Variants in MYO9A observed in about 807,000 individuals in gnomAD.
The protein encoded by MYO9A is myosin IXA, also known as unconventional myosin-IXa.
A neutral mutation model predicts 293.3 loss-of-function variants in MYO9A; 103 were observed. The ratio of observed to expected loss-of-function variants is 0.35; its 90% CI spans 0.30 to 0.41. MYO9A has a LOEUF of 0.41. Ranked by LOEUF, MYO9A falls within the 10% of genes least tolerant of loss-of-function variation. MYO9A has a pLI of 1.00. For missense variants in MYO9A, 2,685 were observed against 3,033.0 expected (o/e 0.89, Z 2.69); for synonymous variants, 1,001 against 1,035.7 (o/e 0.97, Z 0.64).
chr15:71,826,009 G>GTTTTTGTTGT lies in MYO9A; in HGVS notation c.*570_*571insACAACAAAAA, dbSNP rs2054478306. On this transcript the variant is annotated 3_prime_UTR_variant, in exon 42 of 42. Coordinates refer to ENST00000356056, the MANE Select transcript of MYO9A (RefSeq NM_006901.4). The stretch of plus-strand genomic sequence containing the variant: ...GGTTTTTTTTTGTTTTTTTTTTTTT[G>GTTTTTGTTGT]TTTTTTTTTTTTGTTTTTGCTTTCC... The GTTTTTGTTGT allele has an allele frequency of 1.6e-5, 1 of 64,198 alleles. No homozygotes were observed. The highest frequency in any genetic ancestry group is 6.1e-5 in the African/African-American group (1 of 16,374). The allele number at this position is 64,198 out of a possible 1,614,324, so 4.0% of individuals were successfully genotyped here.
At chr15:71,859,599 T>G (rs1177443953) in intron 34 of MYO9A, 136 bp downstream of exon 34, 3 of 612,236 alleles carry the variant, frequency 4.9e-6, no homozygotes, top group Non-Finnish European at 8.6e-6. Context: ...TAAAACATAT[T>G]TCTACTGTGA....
At chr15:71,871,463 G>A (rs1379202881) in intron 32 of MYO9A, among the ~76,000 whole-genome samples, 1 of 152,024 alleles carries the variant, frequency 6.6e-6, no homozygotes, top group Non-Finnish European at 1.5e-5. Context: ...GGGAGGTTGA[G>A]GTAGGTGAAT....
At chr15:72,000,074 C>T (rs1596350008) in intron 8 of MYO9A, 134 bp from the exon 9 acceptor site, 2 of 595,802 alleles carry the variant, frequency 3.4e-6, no homozygotes, top group East Asian at 6.2e-5. Flanking sequence ...AGGCAATACA[C>T]TGGGCAATTT....
chr15:71,958,476 CT>C lies in MYO9A; in HGVS notation c.2182+1424del, dbSNP rs1417498766. 2.5e-4 allele frequency: 38 copies of C among 152,088 alleles called. 1 individual carries two copies. The highest frequency in any genetic ancestry group is 2.4e-3 in the Admixed American group (36 of 15,262). 9.4% of individuals were successfully genotyped at this position (152,088 alleles called of 1,614,324 possible). A position where few individuals can be genotyped will look rare whatever the true frequency, so the allele number is the denominator to read the frequency against. On this transcript the variant is annotated intron_variant, in intron 14 of 41. Coordinates refer to ENST00000356056, the MANE Select transcript of MYO9A (RefSeq NM_006901.4). ...ACTTTCGGAAACAAATCTGCTCAGG[CT>C]TCAAAATGCAAACAAACTAGAGTTT...
chr15:71,862,143 A>C (rs1279089791), intron 33 of MYO9A, among the ~76,000 whole-genome samples: 1 of 152,236 alleles, frequency 6.6e-6, no homozygotes, highest in African/African-American at 2.4e-5. Context: ...AAAACAAAAA[A>C]AAGAATAGCG....
At chr15:71,928,060 T>A (rs868800713) in intron 18 of MYO9A, among the ~76,000 whole-genome samples, 211 of 5,818 alleles carry the variant, frequency 0.036, no homozygotes, top group Non-Finnish European at 0.06. Context: ...ATATATATTT[T>A]TTTTTTTTTT....
At chr15:71,982,107 C>T (rs1340658493) in intron 11 of MYO9A, among the ~76,000 whole-genome samples, 2 of 147,894 alleles carry the variant, frequency 1.4e-5, no homozygotes, top group Non-Finnish European at 1.5e-5. Context: ...GCAAGCTCCG[C>T]CTCGCGGGTT....
chr15:72,072,305 G>A (rs578171665), intron 1 of MYO9A, among the ~76,000 whole-genome samples: 2 of 151,966 alleles, frequency 1.3e-5, no homozygotes, highest in South Asian at 4.1e-4. Flanking sequence ...CTAATTTTTT[G>A]TATTTTTAGT....
chr15:71,857,721 T>C (rs1315898243), intron 34 of MYO9A, among the ~76,000 whole-genome samples: 3 of 152,074 alleles, frequency 2.0e-5, no homozygotes, highest in Admixed American at 6.6e-5. Flanking sequence ...TTAGTGAATA[T>C]TGATAGGTAA....
intron 4 of MYO9A, among the ~76,000 whole-genome samples, chr15:72,026,291 AAAAAAG>A (rs2077670028): frequency 1.4e-5 from 2 of 145,994 alleles, no homozygotes; most frequent in African/African-American, 5.0e-5. Context: ...AAAAAAAAAA[AAAAAAG>A]AAAGAAAAGA....
At chr15:72,038,034 C>T (rs1477135375) in intron 2 of MYO9A, among the ~76,000 whole-genome samples, 1 of 151,978 alleles carries the variant, frequency 6.6e-6, no homozygotes, top group African/African-American at 2.4e-5. Flanking sequence ...CCCATCTCAG[C>T]CTTCCAACAG....
At chr15:72,112,174 CTG>C (rs1180046129) in intron 1 of MYO9A, among the ~76,000 whole-genome samples, 1 of 151,958 alleles carries the variant, frequency 6.6e-6, no homozygotes, top group African/African-American at 2.4e-5. Context: ...AAAATCAAAA[CTG>C]AGAAAAAGTA....
At chr15:72,018,947 C>G in intron 6 of MYO9A, 92 bp downstream of exon 6, 1 of 952,104 alleles carries the variant, frequency 1.1e-6, no homozygotes. Flanking sequence ...TGTATTTCAG[C>G]TGATTTGCAT....
chr15:72,085,473 G>A (rs1392053091), intron 1 of MYO9A, among the ~76,000 whole-genome samples: 1 of 151,758 alleles, frequency 6.6e-6, no homozygotes, highest in East Asian at 1.9e-4. Flanking sequence ...GCTCATTCGG[G>A]TTGGTTACAT....
chr15:72,018,350 C>A (rs28452511), intron 6 of MYO9A, among the ~76,000 whole-genome samples: 2 of 152,082 alleles, frequency 1.3e-5, no homozygotes, highest in Admixed American at 1.3e-4. Context: ...CGCCTGTAAT[C>A]CCAGCTACTT....
At chr15:72,055,184 G>A (rs1253460567) in intron 1 of MYO9A, among the ~76,000 whole-genome samples, 1 of 152,236 alleles carries the variant, frequency 6.6e-6, no homozygotes, top group African/African-American at 2.4e-5. Context: ...TATTTGAAAG[G>A]CTGAGGTGGG....
Position 72,030,929 on chromosome 15 carries a change from T to C in MYO9A, c.935+1565A>G, listed in dbSNP as rs925880281. 8.6e-5 allele frequency among the ~76,000 whole-genome samples: 13 copies of C among 152,042 alleles called. No individual in the cohort carries two copies. In the East Asian group the frequency reaches 1.9e-3, roughly 23 times the overall value. ...TGGACTCGTAGCGGTCCATGACCTG[T>C]TAGGAACCGGGCTACGCAGCAGGAG... On this transcript the variant is annotated intron_variant, in intron 3 of 41. Transcript: ENST00000356056.
At chr15:72,099,705 C>T (rs1317469718) in intron 1 of MYO9A, among the ~76,000 whole-genome samples, 1 of 151,686 alleles carries the variant, frequency 6.6e-6, no homozygotes, top group Non-Finnish European at 1.5e-5. Flanking sequence ...AGTTTGAGAC[C>T]AACCTGACCA....
chr15:71,917,892 T>A (rs181231517), intron 18 of MYO9A, among the ~76,000 whole-genome samples: 1 of 151,952 alleles, frequency 6.6e-6, no homozygotes, highest in Non-Finnish European at 1.5e-5. Flanking sequence ...ACCATGCAAA[T>A]TGAAAGAAGT....
Sources: gnomAD v4.1 joint callset for allele counts (sites outside exome capture counted in the v4.1 genomes callset) on GRCh38, gnomAD v4.1.1 for gene constraint, MANE v1.5 for transcripts, NCBI Gene and HGNC (gene_info 2026-07-23, HGNC 2026-07-21) for gene names.